The following DCDC2 variants were observed in gnomAD, a reference collection of about 807,000 sequenced individuals.
DCDC2 encodes doublecortin domain containing 2, also known as doublecortin domain-containing protein 2.
Under a neutral mutation model 50.2 loss-of-function variants are expected in DCDC2, and 40 were observed. The ratio of observed to expected loss-of-function variants is 0.80; its 90% CI spans 0.62 to 1.04. DCDC2 has a LOEUF of 1.04. Ranked by LOEUF, DCDC2 falls within the 50% of genes least tolerant of loss-of-function variation. DCDC2 has a pLI of 0.00. For missense variants in DCDC2, 570 were observed against 581.9 expected, an observed-to-expected ratio of 0.98 and a Z score of 0.21; for synonymous variants, 234 against 210.6, an observed-to-expected ratio of 1.11 and a Z score of -0.96.
intron 8 of DCDC2, among the ~76,000 whole-genome samples, chr6:24,189,362 T>C (rs186549661): frequency 1.3e-3 from 205 of 152,208 alleles, no homozygotes; most frequent in Non-Finnish European, 1.6e-3. Flanking sequence ...AATATGAAAA[T>C]TATATGGAAA....
chr6:24,352,910 ACTTTGTTTTTAATCTATTTTTT>A (rs1283788677), intron 2 of DCDC2, among the ~76,000 whole-genome samples: 1 of 152,152 alleles, frequency 6.6e-6, no homozygotes, highest in African/African-American at 2.4e-5. Context: ...TGTGGCCCCA[ACTTTGTTTTTAATCTATTTTTT>A]CATTCACAAA....
chr6:24,264,208 A>G (rs1763069597), intron 7 of DCDC2, among the ~76,000 whole-genome samples: 1 of 152,256 alleles, frequency 6.6e-6, no homozygotes, highest in African/African-American at 2.4e-5. Context: ...TATCAATACC[A>G]GACCTATCTT....
At chr6:24,180,433 C>A (rs182146459) in intron 8 of DCDC2, among the ~76,000 whole-genome samples, 2 of 151,852 alleles carry the variant, frequency 1.3e-5, no homozygotes. Flanking sequence ...TACAGGCGCC[C>A]GCCACCACGC....
chr6:24,198,342 C>T (rs1326008140), intron 8 of DCDC2, among the ~76,000 whole-genome samples: 1 of 152,176 alleles, frequency 6.6e-6, no homozygotes, highest in African/African-American at 2.4e-5. Context: ...GTGGGTGCAG[C>T]CCACAGAAGG....
At chr6:24,348,358 G>C (rs112306084) in intron 2 of DCDC2, among the ~76,000 whole-genome samples, 13 of 152,304 alleles carry the variant, frequency 8.5e-5, no homozygotes, top group African/African-American at 3.1e-4. Context: ...CTCCGTAAAA[G>C]ATGGGAATAG....
chr6:24,181,860 A>C (rs1186336653), intron 8 of DCDC2, among the ~76,000 whole-genome samples: 1 of 152,212 alleles, frequency 6.6e-6, no homozygotes, highest in African/African-American at 2.4e-5. Flanking sequence ...AGTGGCCAAA[A>C]CAACTTTGAA....
chr6:24,222,649 G>C (rs1451317886), intron 7 of DCDC2, among the ~76,000 whole-genome samples: 2 of 151,988 alleles, frequency 1.3e-5, no homozygotes, highest in Non-Finnish European at 2.9e-5. Flanking sequence ...TTAATTTCAG[G>C]GTAAAGAAAG....
In DCDC2 at chr6:24,178,432, G is replaced by C. The variant is rs763861048; in HGVS notation, c.1224C>G (p.Thr408=). The change falls in exon 9 of 10, where the codon ACC becomes ACG. Residue 408 remains threonine (T), a synonymous_variant. Coordinates refer to ENST00000378454, the MANE Select transcript of DCDC2 (RefSeq NM_016356.5). ...GCAGCTCCTCACCATTCTCCTCATC[G>C]GTGCCTCCATTTACACGAGCAGGGC... The part of the protein sequence containing the change: ...QARPARVNGG[T]DEENGEELQQ... The C allele has an allele frequency of 6.2e-7, 1 of 1,614,092 alleles. No homozygotes were observed. The highest frequency in any genetic ancestry group is 1.3e-5 in the African/African-American group (1 of 75,002).
intron 2 of DCDC2, among the ~76,000 whole-genome samples, chr6:24,316,378 AG>A (rs1759659697): frequency 6.6e-6 from 1 of 152,158 alleles, no homozygotes; most frequent in East Asian, 1.9e-4. Flanking sequence ...ACAGGGAGGT[AG>A]GAGAGTGCAA....
chr6:24,361,340 G>A (rs992721348), upstream of DCDC2, among the ~76,000 whole-genome samples: 3 of 151,776 alleles, frequency 2.0e-5, no homozygotes, highest in Non-Finnish European at 4.4e-5. Flanking sequence ...TTAGTACCTG[G>A]GTGATGAAAT....
intron 2 of DCDC2, among the ~76,000 whole-genome samples, chr6:24,327,686 C>T (rs1759899488): frequency 6.6e-6 from 1 of 152,014 alleles, no homozygotes; most frequent in African/African-American, 2.4e-5. Context: ...GGCAGCCAGG[C>T]TGGTCTCAAA....
Position 24,178,336 on chromosome 6 carries a change from T to C in DCDC2, c.1320A>G (p.Gln440=), listed in dbSNP as rs763616532. The change falls in exon 9 of 10, where the codon CAA becomes CAG. Residue 440 remains glutamine (Q), a synonymous_variant. Coordinates refer to ENST00000378454, the MANE Select transcript of DCDC2 (RefSeq NM_016356.5). ...ERKSQGAGSG[Q]DEADVDPQRP... ...GCAAAAGCAATAGAAATACCTCATC[T>C]TGTCCACTGCCAGCTCCTTGAGACT... 2.4e-5 allele frequency: 39 copies of C among 1,613,056 alleles called. No individual in the cohort carries two copies. The highest frequency in any genetic ancestry group is 3.1e-5 in the Non-Finnish European group (37 of 1,179,342).
chr6:24,199,146 C>T (rs114140754), intron 8 of DCDC2, among the ~76,000 whole-genome samples: 5,283 of 152,304 alleles, frequency 0.035, 242 homozygotes, highest in African/African-American at 0.11. Flanking sequence ...CCCAGAACAG[C>T]GCTCGAGCTC....
At chr6:24,283,133 G>A (rs942147993) in intron 6 of DCDC2, among the ~76,000 whole-genome samples, 10 of 152,120 alleles carry the variant, frequency 6.6e-5, no homozygotes, top group African/African-American at 2.4e-4. Flanking sequence ...TTCCGATAGA[G>A]GGTGCTATGA....
chr6:24,307,920 AGAT>A (rs759580424), intron 2 of DCDC2, among the ~76,000 whole-genome samples: 1 of 152,214 alleles, frequency 6.6e-6, no homozygotes, highest in Non-Finnish European at 1.5e-5. Context: ...AAAGATGTCT[AGAT>A]GAACTAAATT....
chr6:24,362,467 AT>A (rs1157148079), upstream of DCDC2, among the ~76,000 whole-genome samples: 3 of 109,660 alleles, frequency 2.7e-5, no homozygotes, highest in Admixed American at 8.4e-5. Flanking sequence ...TTAATTGTAT[AT>A]TTATACAATT....
At chr6:24,218,662 T>C (rs141110868) in intron 7 of DCDC2, among the ~76,000 whole-genome samples, 2,197 of 152,266 alleles carry the variant, frequency 0.014, 16 homozygotes, top group Middle Eastern at 0.044. Context: ...TAATTTCTTT[T>C]GCTTTTTGTA....
At chr6:24,257,107 T>C (rs889379503) in intron 7 of DCDC2, among the ~76,000 whole-genome samples, 1 of 152,212 alleles carries the variant, frequency 6.6e-6, no homozygotes. Context: ...TACACAGATA[T>C]ATATCTACTT....
chr6:24,232,525 G>C (rs895575237), intron 7 of DCDC2, among the ~76,000 whole-genome samples: 1 of 152,188 alleles, frequency 6.6e-6, no homozygotes, highest in Non-Finnish European at 1.5e-5. Flanking sequence ...CAGAGGACTT[G>C]AGAAAGTAAA....
Sources: allele counts gnomAD v4.1 joint callset (sites outside exome capture counted in the v4.1 genomes callset), GRCh38; gene constraint gnomAD v4.1.1; transcripts MANE v1.5; gene names NCBI Gene and HGNC (gene_info 2026-07-23, HGNC 2026-07-21).